Variants in DSCAM observed in about 807,000 individuals in gnomAD.
DSCAM encodes the protein DS cell adhesion molecule.
A neutral mutation model predicts 217.7 loss-of-function variants in DSCAM; 47 were observed. The observed-to-expected ratio is 0.22, with a 90% CI of 0.17 to 0.28. The LOEUF (loss-of-function observed/expected upper bound fraction) is 0.28. Ranked by LOEUF, DSCAM falls within the 10% of genes least tolerant of loss-of-function variation. The pLI, the probability that DSCAM is intolerant of heterozygous loss-of-function variation, is 1.00. For missense variants in DSCAM, 2,080 were observed against 2,618.3 expected, an observed-to-expected ratio of 0.79 and a Z score of 4.49; for synonymous variants, 1,056 against 1,015.3, an observed-to-expected ratio of 1.04 and a Z score of -0.76.
intron 3 of DSCAM, among the ~76,000 whole-genome samples, chr21:40,560,491 T>C (rs902194224): frequency 6.6e-6 from 1 of 152,218 alleles, no homozygotes; most frequent in Non-Finnish European, 1.5e-5. Flanking sequence ...GAACCAGGTT[T>C]GCACATCGGT....
intron 3 of DSCAM, among the ~76,000 whole-genome samples, chr21:40,595,095 T>C (rs1291988819): frequency 1.3e-5 from 2 of 152,198 alleles, no homozygotes; most frequent in Non-Finnish European, 2.9e-5. Context: ...CCATCTGCTA[T>C]GCATTTCTTT....
intron 3 of DSCAM, among the ~76,000 whole-genome samples, chr21:40,427,300 G>A (rs2075484497): frequency 1.3e-5 from 2 of 152,154 alleles, no homozygotes; most frequent in Middle Eastern, 3.4e-3. Flanking sequence ...ATGAACCCGT[G>A]TATCCCAGCT....
intron 20 of DSCAM, among the ~76,000 whole-genome samples, chr21:40,103,790 G>A (rs1325008202): frequency 6.7e-6 from 1 of 149,014 alleles, no homozygotes; most frequent in Non-Finnish European, 1.5e-5. Context: ...TTTTATATAT[G>A]ACCATATATA....
rs1568909490 is a variant in DSCAM at position 40,044,147 on chromosome 21, T to C, written c.5314A>G (p.Thr1772Ala). ...HTLTTDWRLP[T>A]PRAAGSVDKE... ...TCTACTGATCCTGCAGCCCTGGGTGTTGGCAGCCTCCAGTCTGTGGTGAGG... is the reference window on the plus strand; with the variant it reads ...TCTACTGATCCTGCAGCCCTGGGTGCTGGCAGCCTCCAGTCTGTGGTGAGG... The change falls in exon 31 of 33, where the codon ACA becomes GCA. Residue 1772 changes from threonine (T) to alanine (A), a missense_variant. Thr to Ala is a moderately conservative substitution (Grantham distance 58, BLOSUM62 0). Transcript: ENST00000400454. The C allele has an allele frequency of 1.2e-6, 2 of 1,614,150 alleles. No homozygotes were observed. Among genetic ancestry groups the C allele is most frequent in the Non-Finnish European group, 1.7e-6 (2 of 1,180,032 alleles).
At chr21:40,266,635 TTATATATATATA>T (rs71186923) in intron 11 of DSCAM, among the ~76,000 whole-genome samples, 13 of 62,642 alleles carry the variant, frequency 2.1e-4, no homozygotes, top group Admixed American at 5.2e-4. Context: ...CAAAGATGTT[TTATATATATATA>T]TATATATATA....
intron 3 of DSCAM, among the ~76,000 whole-genome samples, chr21:40,559,268 T>C (rs1325048375): frequency 3.3e-5 from 5 of 151,516 alleles, no homozygotes; most frequent in Non-Finnish European, 7.4e-5. Flanking sequence ...ACCATCCTGG[T>C]CAACACGGTG....
In DSCAM at chr21:40,475,070, A is replaced by G. The variant is rs73224328; in HGVS notation, c.509-105825T>C. ...ACCCTGGATGCTGAAGTTGGAGAGCACTTAAGGTTTCCAGAAGTTTCTCCA... is the reference window on the plus strand; with the variant it reads ...ACCCTGGATGCTGAAGTTGGAGAGCGCTTAAGGTTTCCAGAAGTTTCTCCA... On this transcript the variant is annotated intron_variant, in intron 3 of 32. Coordinates refer to ENST00000400454, the MANE Select transcript of DSCAM (RefSeq NM_001389.5). Among the ~76,000 whole-genome samples the G allele has an allele frequency of 3.6e-3, 553 of 152,234 alleles. 7 individuals carry two copies. Among genetic ancestry groups the G allele is most frequent in the Non-Finnish European group, 3.8e-3 (259 of 68,006 alleles).
At chr21:40,364,063 C>T (rs530800364) in intron 4 of DSCAM, among the ~76,000 whole-genome samples, 1 of 152,280 alleles carries the variant, frequency 6.6e-6, no homozygotes, top group South Asian at 2.1e-4. Flanking sequence ...AATAGGAACA[C>T]TTTTACACTG....
In DSCAM at chr21:40,635,035, T is replaced by C. The variant is rs529073547; in HGVS notation, c.508+57775A>G. On this transcript the variant is annotated intron_variant, in intron 3 of 32. Coordinates refer to ENST00000400454, the MANE Select transcript of DSCAM (RefSeq NM_001389.5). ...AAATTTTCTGTAGTCTTCCAGCCCC[T>C]GGAATAGCACCAGGTACAGATGAGT... Among the ~76,000 whole-genome samples, 6 of 152,318 alleles carry C rather than the reference T, an allele frequency of 3.9e-5. No homozygotes were observed. The East Asian group carries it at 1.2e-3, about 29-fold the overall frequency.
At chr21:40,636,511 C>T (rs187144803) in intron 3 of DSCAM, among the ~76,000 whole-genome samples, 3 of 151,812 alleles carry the variant, frequency 2.0e-5, no homozygotes, top group African/African-American at 2.4e-5. Flanking sequence ...CCTCTCTTTC[C>T]GAAAATGTGA....
At chr21:40,664,539 C>T (rs1277618705) in intron 3 of DSCAM, among the ~76,000 whole-genome samples, 2 of 152,216 alleles carry the variant, frequency 1.3e-5, no homozygotes, top group African/African-American at 4.8e-5. Flanking sequence ...GGAAAGTCAG[C>T]TGTGCCGAGA....
At chr21:40,545,099 A>G (rs1601731417) in intron 3 of DSCAM, among the ~76,000 whole-genome samples, 1 of 152,168 alleles carries the variant, frequency 6.6e-6, no homozygotes, top group African/African-American at 2.4e-5. Context: ...TAGTGCCCTT[A>G]TGAAAAGACA....
intron 11 of DSCAM, among the ~76,000 whole-genome samples, chr21:40,204,053 CAG>C (rs993395572): frequency 2.0e-5 from 3 of 151,974 alleles, no homozygotes; most frequent in Non-Finnish European, 2.9e-5. Context: ...AAAAGGAAAA[CAG>C]GGGTGTTTTA....
At chr21:40,196,662 C>T (rs1255205056) in intron 11 of DSCAM, among the ~76,000 whole-genome samples, 1 of 151,674 alleles carries the variant, frequency 6.6e-6, no homozygotes. Flanking sequence ...TCCTTCTTCA[C>T]TTTCCCCTCT....
intron 3 of DSCAM, among the ~76,000 whole-genome samples, chr21:40,449,758 A>C (rs1388565476): frequency 1.3e-5 from 2 of 152,144 alleles, no homozygotes; most frequent in African/African-American, 4.8e-5. Context: ...TTTACTTCTA[A>C]ACTTCTTCAG....
intron 3 of DSCAM, among the ~76,000 whole-genome samples, chr21:40,679,873 G>T (rs1203118120): frequency 6.6e-6 from 1 of 152,100 alleles, no homozygotes; most frequent in Admixed American, 6.5e-5. Flanking sequence ...TTGCATTTTA[G>T]CAATTCTTAA....
At chr21:40,803,063 G>A (rs2091756213) in intron 1 of DSCAM, among the ~76,000 whole-genome samples, 1 of 152,150 alleles carries the variant, frequency 6.6e-6, no homozygotes, top group Admixed American at 6.5e-5. Context: ...CTCTTTGGAA[G>A]TACTAAATTT....
intron 29 of DSCAM, among the ~76,000 whole-genome samples, chr21:40,052,662 T>A (rs1271336930): frequency 1.3e-5 from 2 of 152,250 alleles, no homozygotes; most frequent in African/African-American, 4.8e-5. Flanking sequence ...TATTGATTGC[T>A]CTATTTTAAA....
At chr21:40,771,421 G>C (rs1192363491) in intron 1 of DSCAM, among the ~76,000 whole-genome samples, 2 of 152,192 alleles carry the variant, frequency 1.3e-5, no homozygotes, top group Non-Finnish European at 2.9e-5. Context: ...TTTCCCGAAA[G>C]GTGGAGTTTT....
Sources: gnomAD v4.1 joint callset for allele counts (sites outside exome capture counted in the v4.1 genomes callset) on GRCh38, gnomAD v4.1.1 for gene constraint, MANE v1.5 for transcripts, NCBI Gene and HGNC (gene_info 2026-07-23, HGNC 2026-07-21) for gene names.